NFATC1: variants seen among roughly 807,000 people sequenced by gnomAD.
NFATC1 encodes the protein nuclear factor of activated T-cells, cytoplasmic 1.
Under a neutral mutation model 76.0 loss-of-function variants are expected in NFATC1, and 22 were observed. The ratio of observed to expected loss-of-function variants is 0.29; its 90% CI spans 0.21 to 0.41. The LOEUF (loss-of-function observed/expected upper bound fraction) is 0.41, where lower values mean the gene tolerates loss of function less well. Among genes scored for constraint, NFATC1 ranks in the 10% least tolerant of loss-of-function variants. The pLI is 1.00. For synonymous variants in NFATC1, 704 were observed against 613.1 expected, an observed-to-expected ratio of 1.15 and a Z score of -2.19; for missense variants, 1,357 against 1,337.7, an observed-to-expected ratio of 1.01 and a Z score of -0.23.
At chr18:79,400,367 C>CGCCCCA (rs1555896679) in intron 1 of NFATC1, 4 of 1,434,278 alleles carry the variant, frequency 2.8e-6, no homozygotes, top group Non-Finnish European at 3.7e-6. Context: ...CCCCGGCTCC[C>CGCCCCA]GCCCCGGCCC....
chr18:79,399,992 A>C (rs1310970918), intron 1 of NFATC1, among the ~76,000 whole-genome samples: 1 of 151,622 alleles, frequency 6.6e-6, no homozygotes, highest in East Asian at 2.0e-4. Flanking sequence ...TAAAAAAAAA[A>C]TTCCGTCGCC....
chr18:79,468,510 A>T (rs758270338), intron 8 of NFATC1: 2 of 152,246 alleles, frequency 1.3e-5, no homozygotes, highest in Non-Finnish European at 2.9e-5. Flanking sequence ...TAAAAACTGC[A>T]GAGATTCCTG....
chr18:79,445,919 A>G (rs2087188316), intron 3 of NFATC1, among the ~76,000 whole-genome samples: 1 of 152,158 alleles, frequency 6.6e-6, no homozygotes, highest in African/African-American at 2.4e-5. Context: ...TCCACTACCC[A>G]CCATGTCACC....
intron 8 of NFATC1, among the ~76,000 whole-genome samples, chr18:79,473,459 TGTC>T (rs2088869608): frequency 1.4e-5 from 2 of 147,768 alleles, no homozygotes; most frequent in Admixed American, 1.3e-4. Flanking sequence ...CTCAGCTCAT[TGTC>T]GACGTAAACC....
At chr18:79,490,056 C>T (rs1286601049) in intron 9 of NFATC1, among the ~76,000 whole-genome samples, 3 of 152,218 alleles carry the variant, frequency 2.0e-5, no homozygotes, top group Non-Finnish European at 4.4e-5. Context: ...GGGCTTCAGG[C>T]AGCTGGAAGC....
intron 3 of NFATC1, among the ~76,000 whole-genome samples, chr18:79,440,794 C>T (rs947609885): frequency 3.9e-5 from 6 of 152,248 alleles, no homozygotes; most frequent in Non-Finnish European, 8.8e-5. Flanking sequence ...CTAAGAGGAA[C>T]GAGATGTGGT....
chr18:79,482,353 G>A (rs1398311532), intron 8 of NFATC1, among the ~76,000 whole-genome samples: 2 of 140,860 alleles, frequency 1.4e-5, no homozygotes, highest in Admixed American at 7.0e-5. Flanking sequence ...CCTGGTCCTG[G>A]GGTGTCATTC....
At chr18:79,451,271 G>T in intron 5 of NFATC1, 145 bp downstream of exon 5, 1 of 1,055,188 alleles carries the variant, frequency 9.5e-7, no homozygotes, top group South Asian at 1.7e-5. Context: ...GGCCACGAGG[G>T]GTCTGAGTTG....
intron 6 of NFATC1, among the ~76,000 whole-genome samples, chr18:79,458,247 C>G (rs577279550): frequency 6.6e-6 from 1 of 151,628 alleles, no homozygotes; most frequent in African/African-American, 2.4e-5. Context: ...ATGAGACGCC[C>G]CAGGGACGCT....
Position 79,410,446 on chromosome 18 carries a change from G to T in NFATC1, c.171G>T (p.Pro57=), listed in dbSNP as rs138155687. ...CCTCCAACGTCAGCCCCGCCCTGCCGCTCCCCACGGCGCACTCCACCCTGC... is the reference window on the plus strand; with the variant it reads ...CCTCCAACGTCAGCCCCGCCCTGCCTCTCCCCACGGCGCACTCCACCCTGC... ...YASSNVSPAL[P]LPTAHSTLPA... is the part of the protein sequence containing the mutation. The change falls in exon 2 of 10, where the codon CCG becomes CCT. Residue 57 remains proline (P), a synonymous_variant. Transcript: ENST00000427363. The surrounding 1 kb of genome is among the most constrained non-coding windows in gnomAD (Gnocchi z 6.7). 1.2e-6 allele frequency: 2 copies of T among 1,611,742 alleles called. No homozygotes were observed. The highest frequency in any genetic ancestry group is 1.3e-5 in the African/African-American group (1 of 74,874).
rs764971153 is a variant in NFATC1, at chr18:79,411,043, C to T, written c.768C>T (p.Ser256=). 7 of 1,611,974 alleles carry T rather than the reference C, an allele frequency of 4.3e-6. No homozygotes were observed. The highest frequency in any genetic ancestry group is 5.9e-6 in the Non-Finnish European group (7 of 1,179,560). Residue 256 remains serine, a synonymous_variant, in exon 2 of 10, where the codon TCC becomes TCT. Coordinates refer to ENST00000427363, the MANE Select transcript of NFATC1 (RefSeq NM_001278669.2). ...VTEESWLGAR[S]SRPASPCNKR... is the part of the protein sequence containing the mutation. Reference sequence around the variant, plus strand: ...AGGAGAGCTGGCTGGGTGCCCGCTCCTCCAGACCCGCGTCCCCTTGCAACA... The same window carrying T: ...AGGAGAGCTGGCTGGGTGCCCGCTCTTCCAGACCCGCGTCCCCTTGCAACA...
At chr18:79,461,882 G>A (rs534799467) in intron 7 of NFATC1, among the ~76,000 whole-genome samples, 6 of 152,302 alleles carry the variant, frequency 3.9e-5, no homozygotes, top group South Asian at 2.1e-4. Flanking sequence ...TGATTGCGCC[G>A]ACCTCCCCTG....
At chr18:79,413,179 C>T (rs953804556) in intron 2 of NFATC1, among the ~76,000 whole-genome samples, 7 of 152,130 alleles carry the variant, frequency 4.6e-5, no homozygotes, top group African/African-American at 1.4e-4. Context: ...ACTGAACTGG[C>T]GAGATAAGGG....
chr18:79,509,450 G>C (rs974835770), intron 9 of NFATC1, among the ~76,000 whole-genome samples: 1 of 152,244 alleles, frequency 6.6e-6, no homozygotes, highest in African/African-American at 2.4e-5. Flanking sequence ...TGGCCATGCA[G>C]AGGGCGTGGG....
At position 79,452,572 on chromosome 18, in the gene NFATC1, G is replaced by A. The variant is rs375412792; in HGVS notation, c.1903+756G>A. ...CGGGCCCCAGCACTCTCATCCCAGA[G>A]GGGTGGCCTCGCCGGCTCCGAGCAG... On this transcript the variant is annotated intron_variant, in intron 6 of 9. Coordinates refer to ENST00000427363, the MANE Select transcript of NFATC1 (RefSeq NM_001278669.2). 2.3e-4 allele frequency among the ~76,000 whole-genome samples: 35 copies of A among 152,360 alleles called. 1 individual carries two copies. Among genetic ancestry groups the A allele is most frequent in the African/African-American group, 7.5e-4 (31 of 41,586 alleles).
chr18:79,416,587 C>G, intron 2 of NFATC1, among the ~76,000 whole-genome samples: 1 of 152,196 alleles, frequency 6.6e-6, no homozygotes, highest in Middle Eastern at 3.2e-3. Flanking sequence ...GGGTCTTCCC[C>G]GAGCTTCCCG....
At chr18:79,500,543 GAA>G (rs1395806774) in intron 9 of NFATC1, among the ~76,000 whole-genome samples, 2 of 151,600 alleles carry the variant, frequency 1.3e-5, no homozygotes, top group Non-Finnish European at 2.9e-5. Context: ...AGGATGAGAA[GAA>G]AAAGCAATGA....
intron 2 of NFATC1, among the ~76,000 whole-genome samples, chr18:79,414,253 G>A (rs1018336136): frequency 1.3e-5 from 2 of 152,180 alleles, no homozygotes; most frequent in Non-Finnish European, 1.5e-5. Context: ...AGGATCTCAG[G>A]CTGCACAACT....
chr18:79,441,710 C>T (rs1600721709), intron 3 of NFATC1, among the ~76,000 whole-genome samples: 1 of 152,250 alleles, frequency 6.6e-6, no homozygotes, highest in East Asian at 1.9e-4. Context: ...ACGGATGTCT[C>T]TAGAAGGTTG....
Sources: gnomAD v4.1 joint callset for allele counts (sites outside exome capture counted in the v4.1 genomes callset) on GRCh38, gnomAD v4.1.1 for gene constraint, Gnocchi (gnomAD v3.1) non-coding constraint, MANE v1.5 for transcripts, NCBI Gene and HGNC (gene_info 2026-07-23, HGNC 2026-07-21) for gene names.